PTPRD: variants seen among roughly 807,000 people sequenced by gnomAD.
The protein encoded by PTPRD is protein tyrosine phosphatase receptor type D.
In PTPRD, 34 loss-of-function variants were observed where a neutral mutation model predicts 214.5. That is an observed-to-expected ratio of 0.16 (90% CI 0.12 to 0.21). The LOEUF is 0.21. Among genes scored for constraint, PTPRD ranks in the 10% least tolerant of loss-of-function variants. The probability of loss-of-function intolerance (pLI) is 1.00; values close to 1 mark genes in which losing one functional copy is unlikely to be tolerated. For missense variants in PTPRD, 2,545 were observed against 2,398.7 expected (o/e 1.06, Z -1.27); for synonymous variants, 1,128 against 845.7 (o/e 1.33, Z -5.79).
intron 2 of PTPRD, among the ~76,000 whole-genome samples, chr9:10,492,139 G>A (rs553738483): frequency 3.3e-5 from 5 of 152,242 alleles, no homozygotes; most frequent in South Asian, 4.1e-4. Flanking sequence ...TTGATTCCAA[G>A]TTTTGCTACT....
At chr9:9,371,189 T>A (rs1217184683) in intron 9 of PTPRD, among the ~76,000 whole-genome samples, 1 of 152,200 alleles carries the variant, frequency 6.6e-6, no homozygotes, top group Non-Finnish European at 1.5e-5. Flanking sequence ...GAAGGAATGG[T>A]ACCAGCTCCT....
intron 10 of PTPRD, among the ~76,000 whole-genome samples, chr9:9,096,736 A>G (rs1183277353): frequency 6.6e-6 from 1 of 152,206 alleles, no homozygotes; most frequent in African/African-American, 2.4e-5. Flanking sequence ...ACACATTTCA[A>G]TTAAATTAGC....
At position 8,317,465 on chromosome 9, in the gene PTPRD, A is replaced by G. The variant is rs1364434921; in HGVS notation, c.*409T>C. 1 of 242,022 alleles carries G rather than the reference A, an allele frequency of 4.1e-6. No homozygotes were observed. The highest frequency in any genetic ancestry group is 2.2e-5 in the African/African-American group (1 of 45,418). 15.0% of individuals were successfully genotyped at this position (242,022 alleles called of 1,614,324 possible). A position where few individuals can be genotyped will look rare whatever the true frequency, so the allele number is the denominator to read the frequency against. On this transcript the variant is annotated 3_prime_UTR_variant, in exon 46 of 46. Coordinates refer to ENST00000381196, the MANE Select transcript of PTPRD (RefSeq NM_002839.4). ...TGGTGGGAAGGGGCGATGTCAAAGC[A>G]GAGTCCGTTTCATTGTGAGAAGCCA...
At chr9:8,989,502 C>G (rs1242768346) in intron 11 of PTPRD, among the ~76,000 whole-genome samples, 4 of 152,026 alleles carry the variant, frequency 2.6e-5, no homozygotes, top group Non-Finnish European at 5.9e-5. Context: ...ATAATGACCT[C>G]CAGTTCCGTC....
At chr9:9,362,744 A>C (rs2139150591) in intron 9 of PTPRD, among the ~76,000 whole-genome samples, 1 of 151,412 alleles carries the variant, frequency 6.6e-6, no homozygotes, top group African/African-American at 2.4e-5. Context: ...GAAGTCTATT[A>C]ACTAGGATTT....
intron 11 of PTPRD, among the ~76,000 whole-genome samples, chr9:8,977,594 T>C (rs59410560): frequency 6.6e-6 from 1 of 151,816 alleles, no homozygotes; most frequent in East Asian, 1.9e-4. Context: ...TTAAATGTCA[T>C]CCCAAGGAAA....
At chr9:10,251,733 G>C (rs1004185062) in intron 3 of PTPRD, among the ~76,000 whole-genome samples, 2 of 152,120 alleles carry the variant, frequency 1.3e-5, no homozygotes, top group East Asian at 1.9e-4. Context: ...CTTAGCAGTA[G>C]TCCACTTGCT....
intron 11 of PTPRD, among the ~76,000 whole-genome samples, chr9:8,963,442 A>G (rs529308605): frequency 2.8e-4 from 43 of 152,272 alleles, no homozygotes; most frequent in African/African-American, 9.1e-4. Context: ...TATATTTCAC[A>G]GAAAAAAACA....
chr9:10,055,509 A>G (rs533677101), intron 3 of PTPRD, among the ~76,000 whole-genome samples: 40 of 152,258 alleles, frequency 2.6e-4, no homozygotes, highest in African/African-American at 9.4e-4. Flanking sequence ...TCCTGAGGCC[A>G]CAAATCTAGC....
At chr9:8,633,101 G>A (rs1248999381) in intron 14 of PTPRD, among the ~76,000 whole-genome samples, 1 of 151,842 alleles carries the variant, frequency 6.6e-6, no homozygotes, top group Non-Finnish European at 1.5e-5. Flanking sequence ...GCTTTTTTCA[G>A]CTTTTTTACC....
chr9:8,537,625 T>G (rs1308613091), intron 14 of PTPRD, among the ~76,000 whole-genome samples: 1 of 152,076 alleles, frequency 6.6e-6, no homozygotes, highest in East Asian at 1.9e-4. Flanking sequence ...AATAGAAAAT[T>G]GGACATTGTT....
rs187407126 is a variant in PTPRD at position 10,347,442 on chromosome 9, C to G, written c.-599-6425G>C. On this transcript the variant is annotated intron_variant, in intron 2 of 45. Transcript: ENST00000381196. ...TTTTTTTTTTTGAGATGGAGTTTTGCTCTTATTGCCCAGGCTGGAGTGCAA... is the reference window on the plus strand; with the variant it reads ...TTTTTTTTTTTGAGATGGAGTTTTGGTCTTATTGCCCAGGCTGGAGTGCAA... 2.6e-3 allele frequency among the ~76,000 whole-genome samples: 323 copies of G among 122,960 alleles called. 3 individuals carry two copies. The highest frequency in any genetic ancestry group is 9.9e-3 in the African/African-American group (303 of 30,724). The allele number at this position is 122,960 out of a possible 152,430, so 80.7% of individuals were successfully genotyped here. A position where few individuals can be genotyped will look rare whatever the true frequency, so the allele number is the denominator to read the frequency against.
intron 6 of PTPRD, among the ~76,000 whole-genome samples, chr9:9,740,838 A>G (rs1232444405): frequency 6.6e-6 from 1 of 152,210 alleles, no homozygotes; most frequent in Non-Finnish European, 1.5e-5. Flanking sequence ...TCTTCCAAGG[A>G]AAGTCAACGA....
chr9:9,927,936 C>T (rs1776251465), intron 5 of PTPRD, among the ~76,000 whole-genome samples: 1 of 152,020 alleles, frequency 6.6e-6, no homozygotes, highest in African/African-American at 2.4e-5. Context: ...GATTTTACTA[C>T]ATATTGTTTG....
At chr9:10,352,240 T>C (rs2097195565) in intron 2 of PTPRD, among the ~76,000 whole-genome samples, 1 of 152,062 alleles carries the variant, frequency 6.6e-6, no homozygotes, top group Non-Finnish European at 1.5e-5. Flanking sequence ...AATTACTTTA[T>C]CCTGTTTTAA....
At chr9:9,529,866 A>G (rs2075066607) in intron 8 of PTPRD, among the ~76,000 whole-genome samples, 1 of 151,696 alleles carries the variant, frequency 6.6e-6, no homozygotes, top group South Asian at 2.1e-4. Flanking sequence ...ATTTAAATAT[A>G]TTTACACTCT....
intron 44 of PTPRD, among the ~76,000 whole-genome samples, chr9:8,323,813 T>C (rs927368546): frequency 2.0e-5 from 3 of 152,150 alleles, no homozygotes; most frequent in African/African-American, 4.8e-5. Context: ...ACAAAGTTAA[T>C]AGAAAAGCAG....
chr9:9,469,601 A>T (rs999910145), intron 8 of PTPRD, among the ~76,000 whole-genome samples: 2 of 152,200 alleles, frequency 1.3e-5, no homozygotes, highest in African/African-American at 4.8e-5. Context: ...AGGCCTATTG[A>T]GTGCTGGCAA....
chr9:8,609,685 C>A (rs2095369992), intron 14 of PTPRD, among the ~76,000 whole-genome samples: 1 of 152,112 alleles, frequency 6.6e-6, no homozygotes, highest in Non-Finnish European at 1.5e-5. Context: ...ATTTGAACAT[C>A]ACTATTTAAC....
Sources: allele counts gnomAD v4.1 joint callset (sites outside exome capture counted in the v4.1 genomes callset), GRCh38; gene constraint gnomAD v4.1.1; transcripts MANE v1.5; gene names NCBI Gene and HGNC (gene_info 2026-07-23, HGNC 2026-07-21).